The following NRG3 variants were observed in gnomAD, a reference collection of about 807,000 sequenced individuals.
The protein encoded by NRG3 is pro-neuregulin-3, membrane-bound isoform.
Under a neutral mutation model 66.9 loss-of-function variants are expected in NRG3, and 31 were observed. The observed-to-expected ratio is 0.46, with a 90% confidence interval of 0.35 to 0.63. NRG3 has a LOEUF of 0.63. Ranked by LOEUF, NRG3 falls within the 20% of genes least tolerant of loss-of-function variation. NRG3 has a pLI of 0.00. For missense variants in NRG3, 910 were observed against 878.9 expected (o/e 1.04, Z -0.45); for synonymous variants, 393 against 359.4 (o/e 1.09, Z -1.06).
At position 82,292,422 on chromosome 10, in the gene NRG3, C is replaced by A. The variant is rs180792610; in HGVS notation, c.824-66317C>A. Among the ~76,000 whole-genome samples, 9 of 152,156 alleles carry A rather than the reference C, an allele frequency of 5.9e-5. No individual in the cohort carries two copies. The East Asian group carries it at 1.7e-3, about 29-fold the overall frequency. On this transcript the variant is annotated intron_variant, in intron 1 of 8. Coordinates refer to ENST00000372141, the MANE Select transcript of NRG3 (RefSeq NM_001010848.4). ...TACAACCACTCTGGAAAACAGTTTG[C>A]CAATTTCTTTAAAAAAACCTATCCA... is the stretch of plus-strand genomic sequence containing the variant.
intron 1 of NRG3, among the ~76,000 whole-genome samples, chr10:82,303,482 A>G (rs971282476): frequency 2.0e-5 from 3 of 152,212 alleles, no homozygotes; most frequent in African/African-American, 7.2e-5. Flanking sequence ...TGATGTGGTC[A>G]GTGACTGATA....
intron 2 of NRG3, among the ~76,000 whole-genome samples, chr10:82,674,033 G>A (rs1239936475): frequency 1.3e-5 from 2 of 152,014 alleles, no homozygotes; most frequent in African/African-American, 4.8e-5. Context: ...GCAACGTCAG[G>A]GTAGCCATAT....
intron 2 of NRG3, among the ~76,000 whole-genome samples, chr10:82,426,458 A>G (rs1488011452): frequency 6.7e-6 from 1 of 148,226 alleles, no homozygotes; most frequent in African/African-American, 2.5e-5. Flanking sequence ...TGTGACCTAA[A>G]TTCTCTGATA....
intron 2 of NRG3, among the ~76,000 whole-genome samples, chr10:82,613,288 C>T (rs2048422068): frequency 6.6e-6 from 1 of 151,896 alleles, no homozygotes; most frequent in Non-Finnish European, 1.5e-5. Context: ...TGTAGTTCTT[C>T]ATATAATGCA....
intron 2 of NRG3, among the ~76,000 whole-genome samples, chr10:82,375,234 C>T (rs898128178): frequency 3.3e-5 from 5 of 152,136 alleles, no homozygotes; most frequent in African/African-American, 1.2e-4. Context: ...TCACCCGAGG[C>T]TTTAAAAAAT....
At chr10:82,334,894 AT>A (rs1244654818) in intron 1 of NRG3, among the ~76,000 whole-genome samples, 1 of 152,232 alleles carries the variant, frequency 6.6e-6, no homozygotes, top group African/African-American at 2.4e-5. Context: ...AACAAAAAAA[AT>A]AATGTCACAG....
intron 2 of NRG3, among the ~76,000 whole-genome samples, chr10:82,416,788 T>C (rs1009165790): frequency 5.1e-4 from 77 of 152,184 alleles, no homozygotes; most frequent in Admixed American, 9.8e-4. Flanking sequence ...TGTGCAAAGG[T>C]GATGTGAGAA....
At chr10:82,601,217 T>C (rs1194999602) in intron 2 of NRG3, among the ~76,000 whole-genome samples, 2 of 152,214 alleles carry the variant, frequency 1.3e-5, no homozygotes, top group Non-Finnish European at 2.9e-5. Flanking sequence ...AGGTTGATTG[T>C]ATGACTTTGC....
At chr10:82,713,711 C>T (rs2056808415) in intron 2 of NRG3, among the ~76,000 whole-genome samples, 2 of 152,222 alleles carry the variant, frequency 1.3e-5, no homozygotes, top group Admixed American at 6.5e-5. Context: ...CTAGGGACCA[C>T]TGTGGACCTC....
chr10:82,239,840 A>G (rs1255444881), intron 1 of NRG3, among the ~76,000 whole-genome samples: 2 of 152,188 alleles, frequency 1.3e-5, no homozygotes, highest in Non-Finnish European at 2.9e-5. Flanking sequence ...AGTGTGAGCC[A>G]GTATTTATAA....
intron 1 of NRG3, among the ~76,000 whole-genome samples, chr10:82,100,768 C>A (rs1317310337): frequency 6.6e-6 from 1 of 151,854 alleles, no homozygotes; most frequent in African/African-American, 2.4e-5. Context: ...TTTTGGTTTT[C>A]TAATATTTTT....
chr10:81,898,367 T>G (rs1432349906), intron 1 of NRG3, among the ~76,000 whole-genome samples: 2 of 152,110 alleles, frequency 1.3e-5, no homozygotes. Context: ...AAGGACAACT[T>G]CCCAGATAGC....
chr10:82,708,993 T>G (rs1023576400), intron 2 of NRG3, among the ~76,000 whole-genome samples: 1 of 152,092 alleles, frequency 6.6e-6, no homozygotes, highest in Non-Finnish European at 1.5e-5. Flanking sequence ...TTTTATACGG[T>G]AGTGATTCTG....
At chr10:82,611,995 G>C (rs931850440) in intron 2 of NRG3, among the ~76,000 whole-genome samples, 1 of 152,102 alleles carries the variant, frequency 6.6e-6, no homozygotes, top group Non-Finnish European at 1.5e-5. Context: ...TTGTGGTTTT[G>C]ATTTGCATTT....
At chr10:82,052,105 A>G (rs1449722048) in intron 1 of NRG3, among the ~76,000 whole-genome samples, 6 of 150,268 alleles carry the variant, frequency 4.0e-5, no homozygotes. Context: ...TGTAATAGTT[A>G]TCCTCATAAG....
intron 2 of NRG3, among the ~76,000 whole-genome samples, chr10:82,656,785 T>C (rs1333554470): frequency 6.6e-6 from 1 of 152,172 alleles, no homozygotes; most frequent in Non-Finnish European, 1.5e-5. Flanking sequence ...CCCTCTTATC[T>C]GTCACATCAT....
chr10:82,958,248 G>A (rs774137659), intron 5 of NRG3, among the ~76,000 whole-genome samples: 5 of 152,144 alleles, frequency 3.3e-5, no homozygotes, highest in African/African-American at 7.2e-5. Flanking sequence ...ACTATGTGAC[G>A]TCAAACAAAT....
At chr10:82,733,288 G>A (rs2058007087) in intron 2 of NRG3, among the ~76,000 whole-genome samples, 1 of 152,134 alleles carries the variant, frequency 6.6e-6, no homozygotes, top group African/African-American at 2.4e-5. Flanking sequence ...TAGATACAGA[G>A]TATAAGATTC....
Position 82,079,846 on chromosome 10 carries a change from T to C in NRG3, c.823+203683T>C, listed in dbSNP as rs559738571. Reference sequence around the variant, plus strand: ...GCCTGGATGTACCACCAGATATAGGTATCCTATATCTGGATTCCGACTGAA... The same window carrying C: ...GCCTGGATGTACCACCAGATATAGGCATCCTATATCTGGATTCCGACTGAA... On this transcript the variant is annotated intron_variant, in intron 1 of 8. Transcript: ENST00000372141. 4.0e-3 allele frequency among the ~76,000 whole-genome samples: 611 copies of C among 152,278 alleles called. 3 individuals are homozygous for C. The highest frequency in any genetic ancestry group is 0.014 in the African/African-American group (581 of 41,540).
Sources: allele counts gnomAD v4.1 joint callset (sites outside exome capture counted in the v4.1 genomes callset), GRCh38; gene constraint gnomAD v4.1.1; transcripts MANE v1.5; gene names NCBI Gene and HGNC (gene_info 2026-07-23, HGNC 2026-07-21).